Variants in PPARGC1A observed in about 807,000 individuals in gnomAD.
PPARGC1A encodes peroxisome proliferator-activated receptor gamma coactivator 1-alpha.
A neutral mutation model predicts 88.7 loss-of-function variants in PPARGC1A; 25 were observed. The observed-to-expected ratio is 0.28, with a 90% CI of 0.21 to 0.39. PPARGC1A has a LOEUF of 0.39. PPARGC1A is among the 10% of genes least tolerant of loss of function. The pLI is 1.00. For synonymous variants in PPARGC1A, 363 were observed against 355.6 expected (o/e 1.02, Z -0.24); for missense variants, 880 against 968.7 (o/e 0.91, Z 1.22).
chr4:23,858,607 G>A (rs1057398918), intron 2 of PPARGC1A, among the ~76,000 whole-genome samples: 24 of 152,186 alleles, frequency 1.6e-4, no homozygotes, highest in African/African-American at 5.3e-4. Context: ...TCATTGTGAA[G>A]TAGAGATATG....
At chr4:24,178,518 T>C in the PPARGC1A span, among the ~76,000 whole-genome samples, 2 of 152,216 alleles carry the variant, frequency 1.3e-5, no homozygotes, top group African/African-American at 4.8e-5. Context: ...ATCTGATTTC[T>C]TGTACAACAT....
At chr4:23,811,234 A>G (rs1463698421) in intron 10 of PPARGC1A, among the ~76,000 whole-genome samples, 1 of 152,158 alleles carries the variant, frequency 6.6e-6, no homozygotes, top group Admixed American at 6.5e-5. Flanking sequence ...CTTGATTTTG[A>G]TTCCATTAGT....
chr4:23,956,408 T>C, the PPARGC1A span, among the ~76,000 whole-genome samples: 9 of 152,230 alleles, frequency 5.9e-5, no homozygotes, highest in African/African-American at 1.4e-4. Flanking sequence ...AATGATATCT[T>C]AAGCAATCTC....
the PPARGC1A span, among the ~76,000 whole-genome samples, chr4:23,972,606 ATACT>A: frequency 6.6e-6 from 1 of 152,334 alleles, no homozygotes; most frequent in African/African-American, 2.4e-5. Context: ...GACCTATGAG[ATACT>A]TACTGAAAAA....
At chr4:24,033,454 A>G in the PPARGC1A span, among the ~76,000 whole-genome samples, 287 of 152,170 alleles carry the variant, frequency 1.9e-3, 2 homozygotes, top group African/African-American at 6.6e-3. Flanking sequence ...CAAATTAAAG[A>G]ACAGAAGAGC....
At chr4:24,125,543 G>A in the PPARGC1A span, among the ~76,000 whole-genome samples, 1 of 152,132 alleles carries the variant, frequency 6.6e-6, no homozygotes, top group Non-Finnish European at 1.5e-5. Context: ...ATTGATGCTA[G>A]TAGGGCTCAA....
chr4:24,299,449 C>CT, the PPARGC1A span, among the ~76,000 whole-genome samples: 1 of 152,056 alleles, frequency 6.6e-6, no homozygotes, highest in Non-Finnish European at 1.5e-5. Context: ...AATATATGGG[C>CT]TTTTTTAAGG....
chr4:24,158,344 C>T, the PPARGC1A span, among the ~76,000 whole-genome samples: 12 of 152,286 alleles, frequency 7.9e-5, no homozygotes, highest in Admixed American at 2.6e-4. Flanking sequence ...CTTTGTCACT[C>T]ATTTATTATC....
chr4:24,403,004 C>T, the PPARGC1A span, among the ~76,000 whole-genome samples: 1 of 152,192 alleles, frequency 6.6e-6, no homozygotes, highest in Non-Finnish European at 1.5e-5. Flanking sequence ...TCGCTCTGAT[C>T]CTTACAACTG....
the PPARGC1A span, among the ~76,000 whole-genome samples, chr4:24,380,381 G>A: frequency 6.6e-6 from 1 of 152,172 alleles, no homozygotes; most frequent in African/African-American, 2.4e-5. Flanking sequence ...GAGCTTCACT[G>A]GAGCAAAGAA....
the PPARGC1A span, among the ~76,000 whole-genome samples, chr4:24,055,387 G>A: frequency 4.2e-4 from 64 of 152,320 alleles, no homozygotes; most frequent in African/African-American, 1.4e-3. Flanking sequence ...AAACAGTTCC[G>A]TGAGCCTTAG....
At chr4:23,857,934 A>T (rs1350054811) in intron 2 of PPARGC1A, among the ~76,000 whole-genome samples, 9 of 151,522 alleles carry the variant, frequency 5.9e-5, no homozygotes, top group Admixed American at 5.9e-4. Flanking sequence ...AGGAAGCTAG[A>T]GTTGATTCTT....
At chr4:23,812,699 AAAG>A in intron 10 of PPARGC1A, 45 bp downstream of exon 10, 1 of 1,604,408 alleles carries the variant, frequency 6.2e-7, no homozygotes, top group Non-Finnish European at 8.5e-7. Flanking sequence ...GCACACAGAA[AAAG>A]AAGAAACCCT....
the PPARGC1A span, among the ~76,000 whole-genome samples, chr4:23,995,907 C>T: frequency 6.6e-6 from 1 of 152,146 alleles, no homozygotes; most frequent in Non-Finnish European, 1.5e-5. Context: ...CTTTTAGCAA[C>T]ACAGAATGCT....
chr4:24,202,404 CAG>C, the PPARGC1A span, among the ~76,000 whole-genome samples: 1 of 152,116 alleles, frequency 6.6e-6, no homozygotes, highest in African/African-American at 2.4e-5. Flanking sequence ...CTGAACGTAA[CAG>C]AGAGCCAGGC....
chr4:24,449,158 T>C, the PPARGC1A span, among the ~76,000 whole-genome samples: 1 of 152,104 alleles, frequency 6.6e-6, no homozygotes, highest in African/African-American at 2.4e-5. Flanking sequence ...CTGCCCCTTA[T>C]CCTAACCAAT....
the PPARGC1A span, among the ~76,000 whole-genome samples, chr4:24,220,147 G>C: frequency 6.6e-6 from 1 of 152,152 alleles, no homozygotes; most frequent in African/African-American, 2.4e-5. Context: ...AACCATCAGG[G>C]AGATGCAAAT....
At chr4:24,436,761 A>G in the PPARGC1A span, among the ~76,000 whole-genome samples, 422 of 108,602 alleles carry the variant, frequency 3.9e-3, no homozygotes, top group Non-Finnish European at 5.7e-3. Context: ...GCTGACATCG[A>G]TTGGCCACCC....
At chr4:24,225,965 T>C in the PPARGC1A span, among the ~76,000 whole-genome samples, 1 of 149,864 alleles carries the variant, frequency 6.7e-6, no homozygotes, top group African/African-American at 2.5e-5. Flanking sequence ...ATAATACTAA[T>C]AAGGAAACAA....
Sources: allele counts gnomAD v4.1 joint callset (sites outside exome capture counted in the v4.1 genomes callset), GRCh38; gene constraint gnomAD v4.1.1; transcripts MANE v1.5; gene names NCBI Gene and HGNC (gene_info 2026-07-23, HGNC 2026-07-21).